Variants in BIRC6 observed in about 807,000 individuals in gnomAD.
The protein encoded by BIRC6 is baculoviral IAP repeat containing 6, also known as dual E2 ubiquitin-conjugating enzyme/E3 ubiquitin-protein ligase BIRC6.
A neutral mutation model predicts 503.3 loss-of-function variants in BIRC6; 98 were observed. The ratio of observed to expected loss-of-function variants is 0.19; its 90% CI spans 0.17 to 0.23. The LOEUF (loss-of-function observed/expected upper bound fraction) is 0.23, where lower values mean the gene tolerates loss of function less well. BIRC6 is among the 10% of genes least tolerant of loss of function. BIRC6 has a pLI of 1.00. For synonymous variants in BIRC6, 2,240 were observed against 2,078.7 expected (o/e 1.08, Z -2.11); for missense variants, 5,360 against 5,806.0 (o/e 0.92, Z 2.50).
In BIRC6 at chr2:32,470,980, T is replaced by G. The variant is rs567375115; in HGVS notation, c.6482-34T>G. The G allele has an allele frequency of 5.7e-5, 88 of 1,549,306 alleles. No individual in the cohort carries two copies. In the South Asian group the frequency reaches 1.0e-3, roughly 18 times the overall value. Reference sequence around the variant, plus strand: ...TCTAATTAGGAATCCTAAAGTCATCTGGATGTTTTTCCTTTGCTGTCATCT... The same window carrying G: ...TCTAATTAGGAATCCTAAAGTCATCGGGATGTTTTTCCTTTGCTGTCATCT... On this transcript the variant is annotated intron_variant, in intron 31 of 73. Coordinates refer to ENST00000421745, the MANE Select transcript of BIRC6 (RefSeq NM_016252.4).
rs552190422 is a variant in BIRC6 at position 32,584,024 on chromosome 2, G to A, written c.13355+8658G>A. Among the ~76,000 whole-genome samples the A allele has an allele frequency of 3.0e-4, 45 of 152,212 alleles. No homozygotes were observed. The South Asian group carries it at 8.7e-3, about 29-fold the overall frequency. On this transcript the variant is annotated intron_variant, in intron 66 of 73. Coordinates refer to ENST00000421745, the MANE Select transcript of BIRC6 (RefSeq NM_016252.4). The stretch of plus-strand genomic sequence containing the variant: ...TGGCATTACAGGCATGAGCCACCTT[G>A]CCCGGCCTGTAAATTTCACTTAGAC...
chr2:32,369,943 AAAATATATATATATATATATATATAT>A (rs2035597241), intron 1 of BIRC6, among the ~76,000 whole-genome samples: 2 of 32,308 alleles, frequency 6.2e-5, no homozygotes, highest in East Asian at 6.6e-4. Flanking sequence ...AAAAAAAAAA[AAAATATATATATATATATATATATAT>A]ATATATATAT....
At chr2:32,485,786 A>T in intron 40 of BIRC6, 27 bp downstream of exon 40, 1 of 1,371,638 alleles carries the variant, frequency 7.3e-7, no homozygotes, top group Non-Finnish European at 1.0e-6. Context: ...TTTTTAGAGT[A>T]TTGCAGTGAA....
chr2:32,440,719 A>C (rs1197027875), intron 16 of BIRC6, among the ~76,000 whole-genome samples: 3 of 148,606 alleles, frequency 2.0e-5, no homozygotes, highest in Admixed American at 2.0e-4. Flanking sequence ...GACATATCTC[A>C]CGTAGTTATT....
intron 71 of BIRC6, 89 bp downstream of exon 71, chr2:32,603,172 G>T (rs1351765207): frequency 4.3e-6 from 4 of 920,250 alleles, no homozygotes; most frequent in Non-Finnish European, 6.5e-6. Context: ...AATAAATATA[G>T]TAAACCTAAA....
chr2:32,612,671 A>G (rs576930042), intron 73 of BIRC6, among the ~76,000 whole-genome samples: 28 of 152,340 alleles, frequency 1.8e-4, no homozygotes, highest in Non-Finnish European at 3.5e-4. Flanking sequence ...TCAAAATAAA[A>G]TGACAAGGGG....
intron 65 of BIRC6, among the ~76,000 whole-genome samples, chr2:32,559,406 C>T (rs1209265429): frequency 1.3e-5 from 2 of 152,138 alleles, no homozygotes; most frequent in Admixed American, 1.3e-4. Flanking sequence ...GGCAGGCGCA[C>T]ATTGAATCCT....
intron 66 of BIRC6, among the ~76,000 whole-genome samples, chr2:32,593,689 T>C (rs368285397): frequency 1.3e-5 from 2 of 152,328 alleles, no homozygotes; most frequent in African/African-American, 4.8e-5. Context: ...TATCTGGATC[T>C]TTTACAGTAT....
chr2:32,411,259 G>A (rs1176753781), intron 9 of BIRC6, among the ~76,000 whole-genome samples: 2 of 148,484 alleles, frequency 1.3e-5, no homozygotes, highest in African/African-American at 2.5e-5. Flanking sequence ...GTCTGGTCTC[G>A]AACTCCTGAC....
At chr2:32,560,867 CTT>C (rs879409444) in intron 65 of BIRC6, among the ~76,000 whole-genome samples, 2 of 145,756 alleles carry the variant, frequency 1.4e-5, no homozygotes. Context: ...CTGTGCCCGA[CTT>C]TTTTTTTTTT....
At chr2:32,519,029 C>G in intron 57 of BIRC6, 83 bp downstream of exon 57, 2 of 1,343,748 alleles carry the variant, frequency 1.5e-6, no homozygotes, top group East Asian at 2.5e-5. Flanking sequence ...ACTTTATTTT[C>G]TGCATCCACT....
At position 32,603,879 on chromosome 2, in the gene BIRC6, GTA is replaced by G. The variant is rs141150192; in HGVS notation, c.14070+806_14070+807del. Among the ~76,000 whole-genome samples, 1,227 of 151,106 alleles carry G rather than the reference GTA, an allele frequency of 8.1e-3. 7 individuals are homozygous for G. Among genetic ancestry groups the G allele is most frequent in the Middle Eastern group, 0.021 (6 of 284 alleles). ...TATTATTACATCAATATAAATATAT[GTA>G]TATATATATCATATATACTGTATGT... is the stretch of plus-strand genomic sequence containing the variant. On this transcript the variant is annotated intron_variant, in intron 71 of 73. Transcript: ENST00000421745.
intron 1 of BIRC6, among the ~76,000 whole-genome samples, chr2:32,358,098 C>T (rs2033453321): frequency 5.3e-5 from 8 of 151,616 alleles, no homozygotes; most frequent in Admixed American, 5.3e-4. Context: ...GGCCAGCTGC[C>T]TGAACTGCTT....
At chr2:32,419,491 T>C (rs1370877135) in intron 10 of BIRC6, among the ~76,000 whole-genome samples, 1 of 152,088 alleles carries the variant, frequency 6.6e-6, no homozygotes, top group Non-Finnish European at 1.5e-5. Context: ...AATTGAGAGT[T>C]TAAAGTGAAA....
Position 32,467,549 on chromosome 2 carries a change from A to G in BIRC6, c.5381A>G (p.Asp1794Gly). ...HSGARRFVTL[D>G]FGRPILLTDV... ...GGAGCAAGAAGATTTGTGACCTTGG[A>G]TTTTGGGAGGCCTATATTGTTGACT... is the stretch of plus-strand genomic sequence containing the variant. Residue 1794 changes from aspartate (D) to glycine (G), a missense_variant, in exon 27 of 74, where the codon GAT becomes GGT. Transcript: ENST00000421745. The G allele has an allele frequency of 6.2e-7, 1 of 1,613,620 alleles. No individual in the cohort carries two copies. Among genetic ancestry groups the G allele is most frequent in the Non-Finnish European group, 8.5e-7 (1 of 1,179,770 alleles).
intron 57 of BIRC6, chr2:32,523,376 A>T (rs1203070510): frequency 1.3e-5 from 2 of 152,216 alleles, no homozygotes; most frequent in African/African-American, 4.8e-5. Flanking sequence ...TAATTGCACT[A>T]AGTAAATTAT....
chr2:32,611,200 G>A (rs969278152), intron 72 of BIRC6, among the ~76,000 whole-genome samples: 1 of 151,520 alleles, frequency 6.6e-6, no homozygotes, highest in African/African-American at 2.4e-5. Context: ...CCACCTCCCG[G>A]GTTCACGCCA....
intron 10 of BIRC6, among the ~76,000 whole-genome samples, chr2:32,422,127 T>C (rs922148815): frequency 1.3e-5 from 2 of 152,230 alleles, no homozygotes; most frequent in Non-Finnish European, 2.9e-5. Flanking sequence ...GGTTACAGTT[T>C]GTATTATGTA....
intron 61 of BIRC6, among the ~76,000 whole-genome samples, chr2:32,534,721 ACT>A (rs2057065971): frequency 1.6e-5 from 2 of 121,292 alleles, no homozygotes; most frequent in Non-Finnish European, 3.2e-5. Flanking sequence ...ACAGAGCAAG[ACT>A]CTGTCTCAAA....
Sources: allele counts gnomAD v4.1 joint callset (sites outside exome capture counted in the v4.1 genomes callset), GRCh38; gene constraint gnomAD v4.1.1; transcripts MANE v1.5; gene names NCBI Gene and HGNC (gene_info 2026-07-23, HGNC 2026-07-21).